Variants in ZNF831 observed in about 807,000 individuals in gnomAD.
ZNF831 encodes the protein chromosome 20 open reading frame 174.
A neutral mutation model predicts 95.8 loss-of-function variants in ZNF831; 59 were observed. That is an observed-to-expected ratio of 0.62 (90% CI 0.50 to 0.77). The LOEUF is 0.77. Ranked by LOEUF, ZNF831 falls within the 30% of genes least tolerant of loss-of-function variation. ZNF831 has a pLI of 0.00. For missense variants in ZNF831, 2,205 were observed against 2,164.0 expected, an observed-to-expected ratio of 1.02 and a Z score of -0.38; for synonymous variants, 961 against 925.5, an observed-to-expected ratio of 1.04 and a Z score of -0.70.
upstream of ZNF831, chr20:59,160,773 T>G (rs1164819134): frequency 6.6e-6 from 1 of 151,774 alleles, no homozygotes; most frequent in Non-Finnish European, 1.5e-5. Context: ...ACACACAGGA[T>G]TTCTCATGTC....
intron 1 of ZNF831, among the ~76,000 whole-genome samples, chr20:59,135,556 C>G (rs1979475595): frequency 6.6e-6 from 1 of 152,152 alleles, no homozygotes; most frequent in Non-Finnish European, 1.5e-5. Flanking sequence ...GTGATGAAAC[C>G]CTGTCTCTAC....
At chr20:59,154,115 A>G (rs1225711210) in intron 2 of ZNF831, among the ~76,000 whole-genome samples, 3 of 152,142 alleles carry the variant, frequency 2.0e-5, no homozygotes, top group African/African-American at 7.2e-5. Context: ...TAAATCCACT[A>G]CAATGTGAGA....
Position 59,208,504 on chromosome 20 carries a change from T to G in ZNF831, c.4027+1448T>G, listed in dbSNP as rs75880685. On this transcript the variant is annotated intron_variant, in intron 4 of 5. Transcript: ENST00000371030. This position sits in a 1 kb window ranked among gnomAD's most constrained non-coding sequence, Gnocchi z 4.2. ...TGCCCCTCGTCTCTCCTTAAGAGTT[T>G]TCCAATGTATAACCCACAGCTGGGA... Among the ~76,000 whole-genome samples, 1,213 of 152,300 alleles carry G rather than the reference T, an allele frequency of 8.0e-3. 14 individuals are homozygous for G. Among genetic ancestry groups the G allele is most frequent in the African/African-American group, 0.028 (1,159 of 41,566 alleles).
chr20:59,258,423 T>C lies in ZNF831; in HGVS notation c.*3680T>C, dbSNP rs1600699982. The stretch of plus-strand genomic sequence containing the variant: ...TTCATTACTTAGAATGATCACATTA[T>C]TCATTTTTTTCCCCAGCACAGAAAT... On this transcript the variant is annotated 3_prime_UTR_variant, in exon 6 of 6. Transcript: ENST00000371030. 1 of 152,672 alleles carries C rather than the reference T, an allele frequency of 6.5e-6. No individual in the cohort carries two copies. Among genetic ancestry groups the C allele is most frequent in the South Asian group, 2.1e-4 (1 of 4,838 alleles). 9.5% of individuals were successfully genotyped at this position (152,672 alleles called of 1,614,324 possible). A position where few individuals can be genotyped will look rare whatever the true frequency, so the allele number is the denominator to read the frequency against.
At chr20:59,145,400 T>A (rs1204280772) in intron 1 of ZNF831, among the ~76,000 whole-genome samples, 2 of 152,226 alleles carry the variant, frequency 1.3e-5, no homozygotes. Flanking sequence ...AACAAGATTC[T>A]TTATTGCAGG....
In ZNF831 at chr20:59,258,006, CAT is replaced by C. The variant is rs1988260730; in HGVS notation, c.*3264_*3265del. The C allele has an allele frequency of 6.6e-6, 1 of 152,158 alleles. No individual in the cohort carries two copies. The allele number at this position is 152,158 out of a possible 1,614,324, so 9.4% of individuals were successfully genotyped here. On this transcript the variant is annotated 3_prime_UTR_variant, in exon 6 of 6. Transcript: ENST00000371030. ...CCTACATTGTTAAGTGACTCAAAGT[CAT>C]GTGATTTTTGGTGGACAACTGGAAT...
chr20:59,193,606 G>A lies in ZNF831; in HGVS notation c.2587G>A (p.Gly863Arg), dbSNP rs558775656. Residue 863 changes from glycine (G) to arginine (R), a missense_variant, in exon 2 of 6, where the codon GGG (glycine) becomes AGG (arginine). Coordinates refer to ENST00000371030, the MANE Select transcript of ZNF831 (RefSeq NM_178457.3). ...ATCCCAGAAGCAGGATGCCGATCCC[G>A]GGGAGGTGCCAGGGGGCTCAAAGGA... ...LSSQKQDADP[G>R]EVPGGSKESA... is the part of the protein sequence containing the mutation. The A allele has an allele frequency of 4.0e-5, 65 of 1,612,238 alleles. No individual in the cohort carries two copies. In the African/African-American group the frequency reaches 5.1e-4, roughly 13 times the overall value.
chr20:59,157,845 C>T (rs1198170038), intron 2 of ZNF831, among the ~76,000 whole-genome samples: 3 of 152,168 alleles, frequency 2.0e-5, no homozygotes, highest in African/African-American at 2.4e-5. Flanking sequence ...GGCCAGTAAA[C>T]TCTTCCCTTT....
intron 1 of ZNF831, among the ~76,000 whole-genome samples, chr20:59,177,971 C>T (rs1982307047): frequency 6.6e-6 from 1 of 152,234 alleles, no homozygotes; most frequent in African/African-American, 2.4e-5. Flanking sequence ...CAGTACTTCT[C>T]AGTACCTCCA....
chr20:59,254,138 T>G lies in ZNF831; in HGVS notation c.4429T>G (p.Ser1477Ala). The G allele has an allele frequency of 4.3e-6, 7 of 1,613,992 alleles. No individual in the cohort carries two copies. Among genetic ancestry groups the G allele is most frequent in the Non-Finnish European group, 5.9e-6 (7 of 1,180,002 alleles). ...TGCTCAAAGGCCTTCTTCCTTTGGG[T>G]CCAAAGGAACTTTTCCCCACCATGA... ...SDAQRPSSFG[S>A]KGTFPHHDIA... The change falls in exon 6 of 6, where the codon TCC becomes GCC. Residue 1477 changes from serine to alanine, a missense_variant. Ser to Ala is a moderately conservative substitution (Grantham distance 99). Coordinates refer to ENST00000371030, the MANE Select transcript of ZNF831 (RefSeq NM_178457.3). The surrounding 1 kb of genome is among the most constrained non-coding windows in gnomAD (Gnocchi z 4.5).
chr20:59,154,435 C>T (rs532877245), intron 2 of ZNF831, among the ~76,000 whole-genome samples: 4 of 152,166 alleles, frequency 2.6e-5, no homozygotes, highest in Non-Finnish European at 5.9e-5. Flanking sequence ...GAAGCCGAAG[C>T]GGTCTCTACC....
intron 5 of ZNF831, among the ~76,000 whole-genome samples, chr20:59,253,438 C>T (rs1219224283): frequency 1.3e-5 from 2 of 151,958 alleles, no homozygotes; most frequent in Non-Finnish European, 2.9e-5. Context: ...CAACATGAAG[C>T]CCCCCCAGAC....
intron 1 of ZNF831, among the ~76,000 whole-genome samples, chr20:59,176,376 T>C (rs1316306017): frequency 6.6e-6 from 1 of 152,134 alleles, no homozygotes; most frequent in Non-Finnish European, 1.5e-5. Flanking sequence ...GCCTTCTTGA[T>C]TATGTTGGTT....
intron 2 of ZNF831, among the ~76,000 whole-genome samples, chr20:59,151,764 C>T (rs1008717000): frequency 1.3e-4 from 20 of 152,216 alleles, no homozygotes; most frequent in African/African-American, 4.6e-4. Flanking sequence ...GTAGGTTTGC[C>T]TCAAATACTG....
chr20:59,212,707 T>C (rs577873130), intron 4 of ZNF831, among the ~76,000 whole-genome samples: 1 of 152,318 alleles, frequency 6.6e-6, no homozygotes, highest in South Asian at 2.1e-4. Flanking sequence ...ATCTACCTTA[T>C]AATCCAGATG....
At chr20:59,218,696 G>A (rs758659766) in intron 4 of ZNF831, among the ~76,000 whole-genome samples, 5 of 151,894 alleles carry the variant, frequency 3.3e-5, no homozygotes, top group Admixed American at 3.3e-4. Flanking sequence ...GATGTTGAGC[G>A]GCCAGGTATG....
Position 59,257,734 on chromosome 20 carries a change from T to C in ZNF831, c.*2991T>C, listed in dbSNP as rs1988249614. The C allele has an allele frequency of 6.6e-6, 1 of 152,240 alleles. No homozygotes were observed. The highest frequency in any genetic ancestry group is 2.4e-5 in the African/African-American group (1 of 41,466). 9.4% of individuals were successfully genotyped at this position (152,240 alleles called of 1,614,324 possible). A position where few individuals can be genotyped will look rare whatever the true frequency, so the allele number is the denominator to read the frequency against. On this transcript the variant is annotated 3_prime_UTR_variant, in exon 6 of 6. Coordinates refer to ENST00000371030, the MANE Select transcript of ZNF831 (RefSeq NM_178457.3). Reference sequence around the variant, plus strand: ...GCTAATTTTCCCAGTGTTAATTTTATTATATCTTTAGGTAAGGGTCTTAAC... The same window carrying C: ...GCTAATTTTCCCAGTGTTAATTTTACTATATCTTTAGGTAAGGGTCTTAAC...
intron 4 of ZNF831, among the ~76,000 whole-genome samples, chr20:59,216,471 GC>G: frequency 6.6e-6 from 1 of 152,200 alleles, no homozygotes; most frequent in Non-Finnish European, 1.5e-5. Context: ...AGGCTGGAGT[GC>G]AGTGGCGTGA....
chr20:59,223,846 A>T (rs1039967109), intron 4 of ZNF831, among the ~76,000 whole-genome samples: 11 of 151,904 alleles, frequency 7.2e-5, no homozygotes, highest in Non-Finnish European at 1.6e-4. Context: ...ACGGACGTGC[A>T]CTTGCACACA....
Sources: gnomAD v4.1 joint callset for allele counts (sites outside exome capture counted in the v4.1 genomes callset) on GRCh38, gnomAD v4.1.1 for gene constraint, Gnocchi (gnomAD v3.1) non-coding constraint, MANE v1.5 for transcripts, NCBI Gene and HGNC (gene_info 2026-07-23, HGNC 2026-07-21) for gene names.